The following GLI3 variants were observed in gnomAD, a reference collection of about 807,000 sequenced individuals.
The protein encoded by GLI3 is GLI family zinc finger 3, also known as transcription activator GLI3.
A neutral mutation model predicts 100.8 loss-of-function variants in GLI3; 20 were observed. That is an observed-to-expected ratio of 0.20 (90% confidence interval 0.14 to 0.29). GLI3 has a LOEUF of 0.29. Among genes scored for constraint, GLI3 ranks in the 10% least tolerant of loss-of-function variants. GLI3 has a pLI of 1.00. For missense variants in GLI3, 2,040 were observed against 2,128.5 expected (o/e 0.96, Z 0.82); for synonymous variants, 938 against 860.5 (o/e 1.09, Z -1.58).
At chr7:42,159,003 A>C (rs1260743982) in intron 2 of GLI3, among the ~76,000 whole-genome samples, 1 of 152,180 alleles carries the variant, frequency 6.6e-6, no homozygotes, top group African/African-American at 2.4e-5. Context: ...GGGCACATTT[A>C]GTATCTTGCA....
At chr7:42,147,542 G>A (rs564086185) in intron 3 of GLI3, among the ~76,000 whole-genome samples, 9 of 152,308 alleles carry the variant, frequency 5.9e-5, no homozygotes, top group African/African-American at 2.2e-4. Context: ...AAACAGGTCA[G>A]AAATAAACTC....
At chr7:42,001,950 T>A (rs1348838519) in intron 10 of GLI3, among the ~76,000 whole-genome samples, 1 of 152,186 alleles carries the variant, frequency 6.6e-6, no homozygotes, top group African/African-American at 2.4e-5. Context: ...TTAGAAATCA[T>A]GCATTTAATT....
chr7:42,192,644 A>C (rs925675914), intron 2 of GLI3, among the ~76,000 whole-genome samples: 3 of 152,236 alleles, frequency 2.0e-5, no homozygotes. Flanking sequence ...AATGTGAAAA[A>C]CAAACTCTAA....
chr7:42,187,194 G>C (rs985387704), intron 2 of GLI3, among the ~76,000 whole-genome samples: 1 of 144,176 alleles, frequency 6.9e-6, no homozygotes. Context: ...CTGAGTGACA[G>C]AGTGAGACCC....
At chr7:42,116,259 C>T (rs181801220) in intron 3 of GLI3, among the ~76,000 whole-genome samples, 8 of 152,090 alleles carry the variant, frequency 5.3e-5, no homozygotes, top group African/African-American at 1.7e-4. Flanking sequence ...AAAACCTCTG[C>T]GTTTTGAACA....
Position 42,078,659 on chromosome 7 carries a change from G to A in GLI3, c.368-1802C>T, listed in dbSNP as rs560583357. On this transcript the variant is annotated intron_variant, in intron 3 of 14. Transcript: ENST00000395925. ...CTTGTATCACTGTCACTGTAGTATC[G>A]TGATATACAACAATGCTGAAAATTC... Among the ~76,000 whole-genome samples the A allele has an allele frequency of 1.4e-4, 21 of 151,894 alleles. No homozygotes were observed. The East Asian group carries it at 2.5e-3, about 18-fold the overall frequency.
rs1223185722 is a variant in GLI3 at position 41,977,941 on chromosome 7, G to A, written c.1648-219C>T. The A allele has an allele frequency of 7.7e-6, 4 of 516,826 alleles. No individual in the cohort carries two copies. In the Admixed American group the frequency reaches 1.3e-4, roughly 17 times the overall value. The allele number at this position is 516,826 out of a possible 1,614,324, so 32.0% of individuals were successfully genotyped here. A position where few individuals can be genotyped will look rare whatever the true frequency, so the allele number is the denominator to read the frequency against. On this transcript the variant is annotated intron_variant, in intron 11 of 14. Transcript: ENST00000395925. ...TTTCAGTGCCAGTAAAAGTCCTGAA[G>A]TTTTTTTTTTTAATAGACCGCTCAA...
intron 1 of GLI3, among the ~76,000 whole-genome samples, chr7:42,254,072 A>G (rs1789060722): frequency 6.6e-6 from 1 of 152,260 alleles, no homozygotes; most frequent in Admixed American, 6.5e-5. Context: ...ATACAAAATT[A>G]GCTGGGCATG....
chr7:42,248,156 C>G (rs540154805), intron 1 of GLI3, among the ~76,000 whole-genome samples: 1 of 152,256 alleles, frequency 6.6e-6, no homozygotes, highest in African/African-American at 2.4e-5. Flanking sequence ...TAAAGACCCC[C>G]ATATCTCAAA....
intron 2 of GLI3, among the ~76,000 whole-genome samples, chr7:42,163,292 A>G (rs1334775964): frequency 1.3e-5 from 2 of 151,810 alleles, no homozygotes; most frequent in African/African-American, 4.8e-5. Context: ...GCTCATCTCC[A>G]TCAACAACAG....
chr7:42,090,913 G>A (rs936286073), intron 3 of GLI3, among the ~76,000 whole-genome samples: 2 of 152,210 alleles, frequency 1.3e-5, no homozygotes, highest in Non-Finnish European at 2.9e-5. Context: ...AGAAAATAGG[G>A]ATAGAGAAGG....
chr7:42,070,600 T>C (rs1373793121), intron 4 of GLI3, among the ~76,000 whole-genome samples: 4 of 152,236 alleles, frequency 2.6e-5, no homozygotes, highest in Non-Finnish European at 5.9e-5. Flanking sequence ...CATAGAGTTG[T>C]TATAAATATT....
intron 10 of GLI3, among the ~76,000 whole-genome samples, chr7:42,002,052 C>A (rs1473605021): frequency 1.4e-5 from 2 of 139,554 alleles, no homozygotes; most frequent in Non-Finnish European, 3.1e-5. Context: ...GAAAACATGG[C>A]AAGACACACA....
At chr7:42,114,764 T>C (rs1239328566) in intron 3 of GLI3, among the ~76,000 whole-genome samples, 1 of 151,872 alleles carries the variant, frequency 6.6e-6, no homozygotes, top group African/African-American at 2.4e-5. Flanking sequence ...TGCAGTGGTG[T>C]GATCTCGGCT....
chr7:41,998,682 A>C (rs112344418), intron 10 of GLI3, among the ~76,000 whole-genome samples: 2,176 of 152,336 alleles, frequency 0.014, 24 homozygotes, highest in Admixed American at 0.031. Flanking sequence ...ACATTGGCTC[A>C]GTACAAATTA....
intron 1 of GLI3, among the ~76,000 whole-genome samples, chr7:42,224,788 C>T (rs2128703262): frequency 6.6e-6 from 1 of 152,310 alleles, no homozygotes; most frequent in East Asian, 1.9e-4. Flanking sequence ...ACCTGCATGG[C>T]GCCCCCTGGG....
chr7:42,148,137 A>T (rs1008047123), intron 3 of GLI3, 89 bp downstream of exon 3: 3 of 44,874 alleles, frequency 6.7e-5, no homozygotes, highest in African/African-American at 6.1e-4. Context: ...TAAAGCGCGC[A>T]CACACACACA....
chr7:42,108,484 G>A (rs575222005), intron 3 of GLI3, among the ~76,000 whole-genome samples: 5 of 152,256 alleles, frequency 3.3e-5, no homozygotes, highest in African/African-American at 9.6e-5. Context: ...TGGAAAGATA[G>A]ACTCTTCCTC....
intron 10 of GLI3, among the ~76,000 whole-genome samples, chr7:41,983,483 T>C (rs1449654413): frequency 6.6e-6 from 1 of 152,196 alleles, no homozygotes; most frequent in African/African-American, 2.4e-5. Flanking sequence ...ATTGACCCCA[T>C]ATGAAGCTGG....
Sources: gnomAD v4.1 joint callset for allele counts (sites outside exome capture counted in the v4.1 genomes callset) on GRCh38, gnomAD v4.1.1 for gene constraint, MANE v1.5 for transcripts, NCBI Gene and HGNC (gene_info 2026-07-23, HGNC 2026-07-21) for gene names.